The following METTL15 variants were observed in gnomAD, a reference collection of about 807,000 sequenced individuals.
The protein encoded by METTL15 is 12S rRNA N(4)-cytidine methyltransferase METTL15.
In METTL15, 34 loss-of-function variants were observed where a neutral mutation model predicts 38.3. The ratio of observed to expected loss-of-function variants is 0.89; its 90% CI spans 0.68 to 1.18. The LOEUF is 1.18. METTL15 is among the 50% of genes most tolerant of loss of function. METTL15 has a pLI of 0.00. For missense variants in METTL15, 438 were observed against 498.4 expected (o/e 0.88, Z 1.15); for synonymous variants, 162 against 170.9 (o/e 0.95, Z 0.41).
chr11:28,243,920 G>GA (rs1291760881), intron 4 of METTL15, among the ~76,000 whole-genome samples: 1 of 152,146 alleles, frequency 6.6e-6, no homozygotes, highest in Non-Finnish European at 1.5e-5. Context: ...GATTTTGTGG[G>GA]TCAGAAATTT....
At chr11:28,385,432 G>T (rs924088295) in intron 5 of METTL15, among the ~76,000 whole-genome samples, 2 of 151,922 alleles carry the variant, frequency 1.3e-5, no homozygotes, top group Non-Finnish European at 2.9e-5. Context: ...TTTCAGCTTT[G>T]TCAAAGATTA....
At chr11:28,313,991 A>T (rs1857394672) in intron 6 of METTL15, among the ~76,000 whole-genome samples, 1 of 152,188 alleles carries the variant, frequency 6.6e-6, no homozygotes, top group African/African-American at 2.4e-5. Context: ...CTATTTCTAC[A>T]GCAATTTAGT....
At chr11:28,272,249 C>T (rs1308585767) in intron 4 of METTL15, among the ~76,000 whole-genome samples, 5 of 152,156 alleles carry the variant, frequency 3.3e-5, no homozygotes, top group Non-Finnish European at 7.3e-5. Flanking sequence ...AATAATTCTA[C>T]TATAAAGACA....
At chr11:28,340,166 ATC>A (rs1343874909) in intron 3 of METTL15, among the ~76,000 whole-genome samples, 2 of 152,222 alleles carry the variant, frequency 1.3e-5, no homozygotes, top group East Asian at 1.9e-4. Context: ...TCATTTTTAA[ATC>A]ATTTTAAAAA....
chr11:28,134,625 G>A lies in METTL15; in HGVS notation c.270+21021G>A, dbSNP rs768878949. ...CAGGAGGCGCTGTTTTGGAAAAGCG[G>A]CAGTTAGGACTCCTCCTGAGGTCAG... On this transcript the variant is annotated intron_variant, in intron 3 of 6. Coordinates refer to ENST00000407364, the MANE Select transcript of METTL15 (RefSeq NM_001113528.2). The A allele has an allele frequency of 2.0e-5, 8 of 398,494 alleles. No homozygotes were observed. In the East Asian group the frequency reaches 2.5e-4, roughly 12 times the overall value. The allele number at this position is 398,494 out of a possible 1,614,324, so 24.7% of individuals were successfully genotyped here.
chr11:28,445,200 G>T (rs1851065391), intron 6 of METTL15, among the ~76,000 whole-genome samples: 1 of 152,116 alleles, frequency 6.6e-6, no homozygotes, highest in South Asian at 2.1e-4. Context: ...CAACATTAAC[G>T]TCCACTTTTA....
intron 6 of METTL15, among the ~76,000 whole-genome samples, chr11:28,432,216 A>G (rs573092775): frequency 6.6e-6 from 1 of 152,352 alleles, no homozygotes; most frequent in South Asian, 2.1e-4. Context: ...GGAAAAGAAT[A>G]AAGACATTGA....
intron 3 of METTL15, among the ~76,000 whole-genome samples, chr11:28,168,521 G>T (rs530546538): frequency 1.0e-4 from 15 of 150,730 alleles, no homozygotes; most frequent in African/African-American, 3.2e-4. Context: ...CAACATGCAG[G>T]TTAGTGACAT....
intron 4 of METTL15, among the ~76,000 whole-genome samples, chr11:28,263,985 T>C (rs74478537): frequency 6.6e-6 from 1 of 152,240 alleles, no homozygotes; most frequent in East Asian, 1.9e-4. Context: ...AGCCCAATGC[T>C]ACACATGTAG....
intron 5 of METTL15, chr11:28,362,042 A>G (rs917563889): frequency 2.0e-5 from 3 of 152,136 alleles, no homozygotes; most frequent in South Asian, 4.1e-4. Context: ...TGGAGGTAGC[A>G]TTTTCATTTA....
At chr11:28,490,184 T>C (rs1364660564) in intron 6 of METTL15, among the ~76,000 whole-genome samples, 1 of 152,196 alleles carries the variant, frequency 6.6e-6, no homozygotes, top group Non-Finnish European at 1.5e-5. Context: ...TTCTGCAATC[T>C]GGTCCATGGA....
At chr11:28,307,634 A>C (rs1857128363) in intron 6 of METTL15, among the ~76,000 whole-genome samples, 1 of 151,996 alleles carries the variant, frequency 6.6e-6, no homozygotes, top group South Asian at 2.1e-4. Context: ...ATACAGGGTC[A>C]GTCTTCTGTA....
chr11:28,414,890 C>T (rs749015251), intron 5 of METTL15, among the ~76,000 whole-genome samples: 10 of 152,014 alleles, frequency 6.6e-5, no homozygotes, highest in Non-Finnish European at 1.2e-4. Context: ...ATTCTTAATC[C>T]GAAAAATATG....
At chr11:28,190,960 T>C (rs563805803) in intron 3 of METTL15, among the ~76,000 whole-genome samples, 1 of 151,546 alleles carries the variant, frequency 6.6e-6, no homozygotes, top group East Asian at 1.9e-4. Context: ...ACTTACATTA[T>C]ACTGTATAAT....
chr11:28,149,411 C>CT, intron 3 of METTL15, among the ~76,000 whole-genome samples: 1 of 151,728 alleles, frequency 6.6e-6, no homozygotes, highest in Middle Eastern at 3.4e-3. Context: ...GTGCTCTAAT[C>CT]TAGCCAAACT....
intron 6 of METTL15, among the ~76,000 whole-genome samples, chr11:28,321,125 A>G (rs963971827): frequency 6.6e-6 from 1 of 152,156 alleles, no homozygotes; most frequent in African/African-American, 2.4e-5. Context: ...TCCCCTTCCT[A>G]CCTACTCCAT....
intron 6 of METTL15, among the ~76,000 whole-genome samples, chr11:28,324,395 C>A (rs1849565959): frequency 6.6e-6 from 1 of 152,140 alleles, no homozygotes; most frequent in Non-Finnish European, 1.5e-5. Flanking sequence ...TTGCACATTT[C>A]CCCTATGTCA....
At chr11:28,400,600 G>C (rs961727871) in intron 5 of METTL15, among the ~76,000 whole-genome samples, 2 of 151,880 alleles carry the variant, frequency 1.3e-5, no homozygotes, top group East Asian at 1.9e-4. Context: ...CCCCTCTTGA[G>C]GTCCAAAGGT....
chr11:28,270,848 G>A (rs1855613899), intron 4 of METTL15, among the ~76,000 whole-genome samples: 1 of 152,134 alleles, frequency 6.6e-6, no homozygotes, highest in Non-Finnish European at 1.5e-5. Context: ...ACCTGGGTTA[G>A]AATCCCAGCT....
Sources: allele counts gnomAD v4.1 joint callset (sites outside exome capture counted in the v4.1 genomes callset), GRCh38; gene constraint gnomAD v4.1.1; transcripts MANE v1.5; gene names NCBI Gene and HGNC (gene_info 2026-07-23, HGNC 2026-07-21).